The following AGBL4 variants were observed in gnomAD, a reference collection of about 807,000 sequenced individuals.
AGBL4 encodes the protein AGBL carboxypeptidase 4, also known as cytosolic carboxypeptidase 6.
A neutral mutation model predicts 66.4 loss-of-function variants in AGBL4; 58 were observed. The ratio of observed to expected loss-of-function variants is 0.87; its 90% CI spans 0.71 to 1.09. AGBL4 has a LOEUF of 1.09. Among genes scored for constraint, AGBL4 ranks in the 50% least tolerant of loss-of-function variants. The pLI is 0.00. For synonymous variants in AGBL4, 234 were observed against 222.9 expected (o/e 1.05, Z -0.44); for missense variants, 579 against 631.0 (o/e 0.92, Z 0.88).
intron 6 of AGBL4, chr1:48,777,102 A>G (rs1645140625): frequency 2.6e-6 from 1 of 381,388 alleles, no homozygotes; most frequent in Admixed American, 4.9e-5. Flanking sequence ...CCACTTGCAA[A>G]GTCAGACCCG....
chr1:48,564,214 A>G (rs1257575194), intron 11 of AGBL4, among the ~76,000 whole-genome samples: 1 of 151,916 alleles, frequency 6.6e-6, no homozygotes, highest in Non-Finnish European at 1.5e-5. Flanking sequence ...TTGCTATCCA[A>G]TCCGTTCTTA....
intron 6 of AGBL4, among the ~76,000 whole-genome samples, chr1:48,740,073 T>A (rs1649673606): frequency 6.6e-6 from 1 of 152,222 alleles, no homozygotes; most frequent in Admixed American, 6.5e-5. Flanking sequence ...TTTATGGAAC[T>A]GTTTTTCACT....
intron 2 of AGBL4, among the ~76,000 whole-genome samples, chr1:49,699,332 A>T (rs1404724724): frequency 6.6e-6 from 1 of 151,994 alleles, no homozygotes; most frequent in Non-Finnish European, 1.5e-5. Context: ...GTGTGTGTGT[A>T]CATAAAAAAT....
chr1:48,771,704 A>G (rs925313183), intron 6 of AGBL4, among the ~76,000 whole-genome samples: 2 of 152,226 alleles, frequency 1.3e-5, no homozygotes, highest in African/African-American at 4.8e-5. Context: ...ATCTTTGCAT[A>G]TGAAATCGGC....
At chr1:49,320,014 C>T (rs986702685) in intron 3 of AGBL4, among the ~76,000 whole-genome samples, 15 of 152,214 alleles carry the variant, frequency 9.9e-5, no homozygotes, top group African/African-American at 3.6e-4. Flanking sequence ...TTCACTACAG[C>T]CTCAACCTCT....
intron 3 of AGBL4, among the ~76,000 whole-genome samples, chr1:49,653,583 C>G (rs927643169): frequency 6.6e-6 from 1 of 151,798 alleles, no homozygotes; most frequent in Non-Finnish European, 1.5e-5. Flanking sequence ...CAAAACATTA[C>G]AGGAACTGTT....
At chr1:49,201,129 A>G (rs1290946336) in intron 4 of AGBL4, among the ~76,000 whole-genome samples, 1 of 152,196 alleles carries the variant, frequency 6.6e-6, no homozygotes, top group African/African-American at 2.4e-5. Flanking sequence ...AAAGGGCTCT[A>G]TATTAGATGG....
intron 1 of AGBL4, among the ~76,000 whole-genome samples, chr1:49,873,684 T>A (rs559235783): frequency 7.8e-4 from 118 of 152,238 alleles, no homozygotes; most frequent in African/African-American, 2.6e-3. Flanking sequence ...CCCTGTTTCC[T>A]GTCCAGCCCA....
chr1:49,151,284 ATAT>A (rs1646327542), intron 4 of AGBL4, among the ~76,000 whole-genome samples: 14 of 129,978 alleles, frequency 1.1e-4, no homozygotes, highest in South Asian at 4.6e-4. Flanking sequence ...AAAAAAAAAT[ATAT>A]ATATATATAT....
chr1:48,942,936 T>C (rs759776492), intron 5 of AGBL4, among the ~76,000 whole-genome samples: 48 of 152,214 alleles, frequency 3.2e-4, no homozygotes, highest in Non-Finnish European at 5.9e-4. Context: ...GTATTGGCTA[T>C]AAGTATTCCT....
At chr1:49,578,573 C>A (rs1033380480) in intron 3 of AGBL4, among the ~76,000 whole-genome samples, 2 of 152,164 alleles carry the variant, frequency 1.3e-5, no homozygotes, top group Non-Finnish European at 2.9e-5. Flanking sequence ...TGCACGTATG[C>A]ACTTGTACTA....
chr1:48,882,987 T>A (rs1395047339), intron 5 of AGBL4, among the ~76,000 whole-genome samples: 1 of 152,228 alleles, frequency 6.6e-6, no homozygotes, highest in Non-Finnish European at 1.5e-5. Flanking sequence ...ATTGTGTATA[T>A]ATACCACAAT....
chr1:49,492,025 T>C lies in AGBL4; in HGVS notation c.282+205288A>G, dbSNP rs564083500. 2.0e-5 allele frequency among the ~76,000 whole-genome samples: 3 copies of C among 152,062 alleles called. No homozygotes were observed. In the East Asian group the frequency reaches 5.8e-4, roughly 29 times the overall value. ...TAAACTGTAATGAAAGTGATGTGAA[T>C]GTGGTCTCTCTCTCTCCCTCAAAAT... On this transcript the variant is annotated intron_variant, in intron 3 of 13. Transcript: ENST00000371839.
intron 3 of AGBL4, among the ~76,000 whole-genome samples, chr1:49,354,154 G>A (rs1006378807): frequency 6.6e-6 from 1 of 152,124 alleles, no homozygotes; most frequent in Non-Finnish European, 1.5e-5. Context: ...GAGCCTAAAA[G>A]TGCTCACTCC....
chr1:49,533,380 T>C (rs1651299093), intron 3 of AGBL4, among the ~76,000 whole-genome samples: 2 of 152,156 alleles, frequency 1.3e-5, no homozygotes, highest in Admixed American at 6.5e-5. Flanking sequence ...CTGGTAATGA[T>C]CTAAATTCTT....
chr1:49,053,356 A>G (rs1644253670), intron 4 of AGBL4, among the ~76,000 whole-genome samples: 1 of 152,188 alleles, frequency 6.6e-6, no homozygotes, highest in African/African-American at 2.4e-5. Flanking sequence ...TGTCTGATAA[A>G]ACTAAGTGTG....
intron 4 of AGBL4, among the ~76,000 whole-genome samples, chr1:49,051,858 GAGAGTGCTC>G (rs1553147465): frequency 6.6e-6 from 1 of 152,148 alleles, no homozygotes; most frequent in Non-Finnish European, 1.5e-5. Flanking sequence ...GAAAGAGTAA[GAGAGTGCTC>G]AGATACAGGC....
At chr1:48,546,139 TA>T (rs747568408) in intron 11 of AGBL4, among the ~76,000 whole-genome samples, 4 of 152,352 alleles carry the variant, frequency 2.6e-5, no homozygotes, top group Non-Finnish European at 5.9e-5. Flanking sequence ...GTGTAGTTAC[TA>T]TCACCAATCC....
intron 2 of AGBL4, among the ~76,000 whole-genome samples, chr1:49,817,743 G>C (rs1645267051): frequency 6.6e-6 from 1 of 152,248 alleles, no homozygotes; most frequent in South Asian, 2.1e-4. Flanking sequence ...TATGTAAAAG[G>C]CTAACATCTA....
Sources: gnomAD v4.1 joint callset for allele counts (sites outside exome capture counted in the v4.1 genomes callset) on GRCh38, gnomAD v4.1.1 for gene constraint, MANE v1.5 for transcripts, NCBI Gene and HGNC (gene_info 2026-07-23, HGNC 2026-07-21) for gene names.